The following CDC42EP5 variants were observed in gnomAD, a reference collection of about 807,000 sequenced individuals.
CDC42EP5 encodes the protein CDC42 effector protein (Rho GTPase binding) 5.
For missense variants in CDC42EP5, 269 were observed against 238.0 expected (o/e 1.13, Z -0.86); for synonymous variants, 118 against 123.3 (o/e 0.96, Z 0.28).
At chr19:54,467,140 T>C (rs935268215) in intron 2 of CDC42EP5, among the ~76,000 whole-genome samples, 4 of 151,296 alleles carry the variant, frequency 2.6e-5, no homozygotes, top group African/African-American at 9.7e-5. Flanking sequence ...TGTCTTATGT[T>C]TTCTAAAATA....
At chr19:54,468,692 T>C (rs1444809754) in intron 2 of CDC42EP5, among the ~76,000 whole-genome samples, 1 of 150,244 alleles carries the variant, frequency 6.7e-6, no homozygotes, top group Non-Finnish European at 1.5e-5. Flanking sequence ...TACAGGCTCA[T>C]GCTACCATGT....
Position 54,465,209 on chromosome 19 carries a change from C to G in CDC42EP5, c.339G>C (p.Glu113Asp). 6.9e-7 allele frequency: 1 copy of G among 1,439,748 alleles called. No homozygotes were observed. The highest frequency in any genetic ancestry group is 3.0e-5 in the East Asian group (1 of 33,186). The allele number at this position is 1,439,748 out of a possible 1,614,324, so 89.2% of individuals were successfully genotyped here. A position where few individuals can be genotyped will look rare whatever the true frequency, so the allele number is the denominator to read the frequency against. ...CCGCGTCGGGCTTGGCGGCAGCCGC[C>G]TCCGGGCGCGCCGCGTCCATGACGC... is the stretch of plus-strand genomic sequence containing the variant. ...VLGVMDAARP[E>D]AAAAKPDAEP... Residue 113 changes from glutamate (E) to aspartate (D), a missense_variant, in exon 3 of 3, where the codon GAG (glutamate) becomes GAC (aspartate). Transcript: ENST00000301200.
intron 2 of CDC42EP5, among the ~76,000 whole-genome samples, chr19:54,469,626 C>T (rs2084808115): frequency 6.6e-6 from 1 of 152,154 alleles, no homozygotes; most frequent in Admixed American, 6.5e-5. Context: ...GGGATATGTC[C>T]CTGCAAGTCT....
chr19:54,468,588 A>C, intron 2 of CDC42EP5, among the ~76,000 whole-genome samples: 1 of 152,158 alleles, frequency 6.6e-6, no homozygotes, highest in Admixed American at 6.5e-5. Context: ...TCTGTCACCC[A>C]GCTGGAGTGC....
chr19:54,465,721 C>G (rs1010404696), intron 2 of CDC42EP5, among the ~76,000 whole-genome samples, 174 bp from the exon 3 acceptor site: 4 of 152,186 alleles, frequency 2.6e-5, no homozygotes, highest in African/African-American at 9.6e-5. Context: ...CCGCAACCTC[C>G]GCCTCCCGGG....
chr19:54,470,406 A>T lies in CDC42EP5; in HGVS notation c.-1+1139T>A, dbSNP rs1396739091. 1.6e-4 allele frequency among the ~76,000 whole-genome samples: 24 copies of T among 150,850 alleles called. No homozygotes were observed. The Admixed American group carries it at 1.6e-3, about 10-fold the overall frequency. ...AGAAAAGAAAAGGAGAGAGAGAGAG[A>T]AAAAGAGAGAGAAGGAAAGGAGGGA... is the stretch of plus-strand genomic sequence containing the variant. On this transcript the variant is annotated intron_variant, in intron 2 of 2. Coordinates refer to ENST00000301200, the MANE Select transcript of CDC42EP5 (RefSeq NM_145057.4).
chr19:54,470,164 T>G (rs1032107192), intron 2 of CDC42EP5, among the ~76,000 whole-genome samples: 3 of 152,038 alleles, frequency 2.0e-5, no homozygotes, highest in African/African-American at 7.2e-5. Context: ...GCCCAGGAGT[T>G]TGAGACCAGA....
intron 2 of CDC42EP5, among the ~76,000 whole-genome samples, chr19:54,468,346 T>TACACACACAC (rs71959392): frequency 1.1e-4 from 16 of 148,596 alleles, no homozygotes; most frequent in African/African-American, 4.0e-4. Context: ...AAGACTGGCC[T>TACACACACAC]ACACACACAC....
At chr19:54,469,787 C>T (rs1325471549) in intron 2 of CDC42EP5, among the ~76,000 whole-genome samples, 1 of 152,196 alleles carries the variant, frequency 6.6e-6, no homozygotes, top group Non-Finnish European at 1.5e-5. Context: ...CTCTAGGGAA[C>T]TCCAGTGTCT....
intron 2 of CDC42EP5, among the ~76,000 whole-genome samples, chr19:54,467,765 C>T (rs953788260): frequency 6.6e-6 from 1 of 152,094 alleles, no homozygotes; most frequent in Non-Finnish European, 1.5e-5. Flanking sequence ...TCAGGTGATC[C>T]GCCTGCCTTG....
intron 2 of CDC42EP5, among the ~76,000 whole-genome samples, chr19:54,469,501 T>G (rs560203935): frequency 6.6e-6 from 1 of 152,234 alleles, no homozygotes; most frequent in Admixed American, 6.5e-5. Context: ...CTGGCTGTGC[T>G]GATCGCTCTG....
At chr19:54,471,747 G>A (rs1431856186) in intron 1 of CDC42EP5, 62 bp from the exon 2 acceptor site, 4 of 155,368 alleles carry the variant, frequency 2.6e-5, no homozygotes, top group South Asian at 2.0e-4. Context: ...ATCCGGGTCC[G>A]TAGAGCCACC....
intron 2 of CDC42EP5, 21 bp downstream of exon 2, chr19:54,471,524 C>G (rs1180204161): frequency 2.0e-5 from 3 of 151,962 alleles, no homozygotes; most frequent in African/African-American, 4.8e-5. Context: ...ACCCAGGACC[C>G]CTGTCCCCAC....
intron 2 of CDC42EP5, among the ~76,000 whole-genome samples, chr19:54,466,087 G>A (rs997893457): frequency 6.6e-6 from 1 of 152,086 alleles, no homozygotes; most frequent in African/African-American, 2.4e-5. Flanking sequence ...CTTCCTAGAG[G>A]TCAAGTAACA....
chr19:54,465,186 G>A lies in CDC42EP5; in HGVS notation c.362C>T (p.Ala121Val), dbSNP rs1465526286. The change falls in exon 3 of 3, where the codon GCG (alanine) becomes GTG (valine). Residue 121 changes from alanine to valine, a missense_variant. Coordinates refer to ENST00000301200, the MANE Select transcript of CDC42EP5 (RefSeq NM_145057.4). Reference sequence around the variant, plus strand: ...GGGCTGCGTCCCGGGGCGGGGTTCCGCGTCGGGCTTGGCGGCAGCCGCCTC... The same window carrying A: ...GGGCTGCGTCCCGGGGCGGGGTTCCACGTCGGGCTTGGCGGCAGCCGCCTC... The part of the protein sequence containing the change: ...RPEAAAAKPD[A>V]EPRPGTQPPQ... 10 of 1,430,370 alleles carry A rather than the reference G, an allele frequency of 7.0e-6. No individual in the cohort carries two copies. In the Admixed American group the frequency reaches 2.7e-4, roughly 38 times the overall value. The allele number at this position is 1,430,370 out of a possible 1,614,324, so 88.6% of individuals were successfully genotyped here.
intron 2 of CDC42EP5, among the ~76,000 whole-genome samples, chr19:54,466,054 C>T (rs1006479774): frequency 3.9e-5 from 6 of 152,240 alleles, no homozygotes; most frequent in African/African-American, 1.4e-4. Context: ...TATGCCGATC[C>T]TCCTGAGAGC....
Position 54,470,591 on chromosome 19 carries a change from A to T in CDC42EP5, c.-1+954T>A, listed in dbSNP as rs145449905. 4.1e-3 allele frequency among the ~76,000 whole-genome samples: 626 copies of T among 152,296 alleles called. 8 individuals are homozygous for T. The highest frequency in any genetic ancestry group is 0.014 in the African/African-American group (586 of 41,564). Reference sequence around the variant, plus strand: ...AAGAAAGGGAAGAAAGAAAGACTACACTGAGGGTGCCGAAATTTTATTTTC... The same window carrying T: ...AAGAAAGGGAAGAAAGAAAGACTACTCTGAGGGTGCCGAAATTTTATTTTC... On this transcript the variant is annotated intron_variant, in intron 2 of 2. Coordinates refer to ENST00000301200, the MANE Select transcript of CDC42EP5 (RefSeq NM_145057.4).
intron 2 of CDC42EP5, among the ~76,000 whole-genome samples, chr19:54,467,438 G>C (rs1355338406): frequency 6.6e-6 from 1 of 150,986 alleles, no homozygotes; most frequent in Non-Finnish European, 1.5e-5. Flanking sequence ...GGGTGACAGA[G>C]TATGACTCTG....
intron 1 of CDC42EP5, among the ~76,000 whole-genome samples, chr19:54,472,511 CCTT>C (rs1199398009): frequency 3.2e-5 from 3 of 93,312 alleles, no homozygotes; most frequent in South Asian, 1.0e-3. Context: ...GACCTCCAGC[CCTT>C]CCTCCTCCCT....
Sources: allele counts gnomAD v4.1 joint callset (sites outside exome capture counted in the v4.1 genomes callset), GRCh38; gene constraint gnomAD v4.1.1; transcripts MANE v1.5; gene names NCBI Gene and HGNC (gene_info 2026-07-23, HGNC 2026-07-21).